The following AIG1 variants were observed in gnomAD, a reference collection of about 807,000 sequenced individuals.
AIG1 encodes the protein androgen-induced gene 1 protein.
A neutral mutation model predicts 31.4 loss-of-function variants in AIG1; 23 were observed. The ratio of observed to expected loss-of-function variants is 0.73; its 90% CI spans 0.53 to 1.04. The LOEUF is 1.04. Among genes scored for constraint, AIG1 ranks in the 50% least tolerant of loss-of-function variants. AIG1 has a pLI of 0.00. For missense variants in AIG1, 274 were observed against 295.0 expected (o/e 0.93, Z 0.52); for synonymous variants, 100 against 110.5 (o/e 0.90, Z 0.60).
intron 1 of AIG1, among the ~76,000 whole-genome samples, chr6:143,072,168 A>G (rs1049529185): frequency 1.3e-5 from 2 of 152,060 alleles, no homozygotes; most frequent in African/African-American, 2.4e-5. Context: ...TGCCATCTGT[A>G]TATCCTCTTT....
intron 4 of AIG1, among the ~76,000 whole-genome samples, chr6:143,322,598 A>G (rs935534117): frequency 2.0e-5 from 3 of 152,220 alleles, no homozygotes; most frequent in Non-Finnish European, 4.4e-5. Flanking sequence ...TCTCCAGGGT[A>G]ACATCACCAT....
chr6:143,236,618 G>C (rs557916336), intron 3 of AIG1, among the ~76,000 whole-genome samples: 1 of 152,192 alleles, frequency 6.6e-6, no homozygotes, highest in Non-Finnish European at 1.5e-5. Context: ...GCTGGCAACC[G>C]TGGGGTTCCA....
rs1483954975 is a variant in AIG1, at chr6:143,258,080, C to T, written c.400-26030C>T. ...AGCCAACCTGATGCCCAGAGTCCTC[C>T]AATTGAATCCATGGTATCAACAGTA... On this transcript the variant is annotated intron_variant, in intron 3 of 5. Transcript: ENST00000357847. This position sits in a 1 kb window ranked among gnomAD's most constrained non-coding sequence, Gnocchi z 4.7. 6.6e-6 allele frequency among the ~76,000 whole-genome samples: 1 copy of T among 152,178 alleles called. No individual in the cohort carries two copies. The highest frequency in any genetic ancestry group is 2.4e-5 in the African/African-American group (1 of 41,446).
intron 3 of AIG1, among the ~76,000 whole-genome samples, chr6:143,175,149 GCAGGGTTT>G (rs1422945148): frequency 6.6e-6 from 1 of 152,210 alleles, no homozygotes; most frequent in African/African-American, 2.4e-5. Context: ...CTTCTAGCTT[GCAGGGTTT>G]CTGCTGAGAA....
intron 4 of AIG1, among the ~76,000 whole-genome samples, chr6:143,303,209 T>G (rs1798961317): frequency 6.6e-6 from 1 of 151,584 alleles, no homozygotes; most frequent in Non-Finnish European, 1.5e-5. Context: ...TCTTTTGCTG[T>G]GCAGAAGCTC....
At chr6:143,122,468 T>C (rs925267312) in intron 1 of AIG1, among the ~76,000 whole-genome samples, 18 of 152,238 alleles carry the variant, frequency 1.2e-4, no homozygotes, top group African/African-American at 4.3e-4. Context: ...AAAATGCCAT[T>C]GTTTATATTT....
chr6:143,231,818 C>A (rs1437698683), intron 3 of AIG1, among the ~76,000 whole-genome samples: 7 of 152,154 alleles, frequency 4.6e-5, no homozygotes, highest in Non-Finnish European at 1.0e-4. Flanking sequence ...GGCTTAATAG[C>A]TACATGCATG....
rs111610748 is a variant in AIG1, at chr6:143,273,801, A to G, written c.400-10309A>G. ...TGGGGGAAACTGCCCCCATGATTCA[A>G]TTTTCTCCCACCAGGACCCTCCCAA... is the stretch of plus-strand genomic sequence containing the variant. On this transcript the variant is annotated intron_variant, in intron 3 of 5. Coordinates refer to ENST00000357847, the MANE Select transcript of AIG1 (RefSeq NM_016108.4). Among the ~76,000 whole-genome samples the G allele has an allele frequency of 2.4e-3, 368 of 152,284 alleles. 4 individuals are homozygous for G. Among genetic ancestry groups the G allele is most frequent in the South Asian group, 0.013 (64 of 4,814 alleles).
chr6:143,224,374 G>T (rs1303581167), intron 3 of AIG1, among the ~76,000 whole-genome samples: 1 of 152,148 alleles, frequency 6.6e-6, no homozygotes, highest in Admixed American at 6.5e-5. Flanking sequence ...GAGGTTCTGG[G>T]GTTTGGAACT....
At chr6:143,124,769 G>C (rs949812181) in intron 1 of AIG1, among the ~76,000 whole-genome samples, 1 of 152,148 alleles carries the variant, frequency 6.6e-6, no homozygotes, top group Non-Finnish European at 1.5e-5. Context: ...ACAGGAGTGG[G>C]TGCAAGTGGG....
chr6:143,144,278 T>C (rs1424489433), intron 2 of AIG1, among the ~76,000 whole-genome samples: 3 of 152,196 alleles, frequency 2.0e-5, no homozygotes, highest in Non-Finnish European at 4.4e-5. Flanking sequence ...CAGTGATTAT[T>C]TGTGGGACCA....
At position 143,300,000 on chromosome 6, in the gene AIG1, C is replaced by A. The variant is rs117506491; in HGVS notation, c.515+15775C>A. Among the ~76,000 whole-genome samples, 302 of 152,306 alleles carry A rather than the reference C, an allele frequency of 2.0e-3. 3 individuals are homozygous for A. In the East Asian group the frequency reaches 0.02, roughly 10 times the overall value. ...TGAAACATCCACCGTGCACCACCAC[C>A]GGGCTAGAATCTTATGGGCAAGCAC... On this transcript the variant is annotated intron_variant, in intron 4 of 5. Transcript: ENST00000357847. The surrounding 1 kb of genome is among the most constrained non-coding windows in gnomAD (Gnocchi z 4.1).
At chr6:143,161,990 G>A (rs1786427888) in intron 2 of AIG1, among the ~76,000 whole-genome samples, 1 of 152,070 alleles carries the variant, frequency 6.6e-6, no homozygotes, top group Admixed American at 6.6e-5. Flanking sequence ...AATTGTAAGG[G>A]AAAAACACTG....
At chr6:143,224,150 A>G (rs1219346860) in intron 3 of AIG1, among the ~76,000 whole-genome samples, 1 of 152,162 alleles carries the variant, frequency 6.6e-6, no homozygotes, top group Non-Finnish European at 1.5e-5. Flanking sequence ...GAAGGCACAC[A>G]AATCTGTAAC....
intron 4 of AIG1, among the ~76,000 whole-genome samples, chr6:143,303,267 T>C (rs1369077428): frequency 6.6e-6 from 1 of 151,298 alleles, no homozygotes; most frequent in Non-Finnish European, 1.5e-5. Flanking sequence ...TTGTTGCCAT[T>C]GCTTTTGGTG....
chr6:143,244,522 C>T (rs1052398458), intron 3 of AIG1, among the ~76,000 whole-genome samples: 3 of 152,188 alleles, frequency 2.0e-5, no homozygotes, highest in Admixed American at 6.5e-5. Flanking sequence ...GCTCTGATAA[C>T]GTACTAAATG....
chr6:143,281,788 A>G lies in AIG1; in HGVS notation c.400-2322A>G, dbSNP rs976528486. Reference sequence around the variant, plus strand: ...CTTTAGTGCATGAAAATTCCAAATGATAAGCTGTTATGACATAGAAAAACC... The same window carrying G: ...CTTTAGTGCATGAAAATTCCAAATGGTAAGCTGTTATGACATAGAAAAACC... On this transcript the variant is annotated intron_variant, in intron 3 of 5. Coordinates refer to ENST00000357847, the MANE Select transcript of AIG1 (RefSeq NM_016108.4). Among the ~76,000 whole-genome samples, 9 of 152,186 alleles carry G rather than the reference A, an allele frequency of 5.9e-5. 1 individual carries two copies. Among genetic ancestry groups the G allele is most frequent in the African/African-American group, 2.4e-5 (1 of 41,458 alleles).
At chr6:143,188,623 A>G in intron 3 of AIG1, 1 of 985,136 alleles carries the variant, frequency 1.0e-6, no homozygotes, top group Non-Finnish European at 1.2e-6. Flanking sequence ...TCAGATTTGT[A>G]TATAAAATCT....
chr6:143,328,769 G>A lies in AIG1; in HGVS notation c.516-4513G>A, dbSNP rs1397552382. On this transcript the variant is annotated intron_variant, in intron 4 of 5. Coordinates refer to ENST00000357847, the MANE Select transcript of AIG1 (RefSeq NM_016108.4). The surrounding 1 kb of genome is among the most constrained non-coding windows in gnomAD (Gnocchi z 4.0). Reference sequence around the variant, plus strand: ...ATTGTACATAAACGTGAATGCAAACGGAGGTACATTTAATAAAATAGACCA... The same window carrying A: ...ATTGTACATAAACGTGAATGCAAACAGAGGTACATTTAATAAAATAGACCA... Among the ~76,000 whole-genome samples, 4 of 152,018 alleles carry A rather than the reference G, an allele frequency of 2.6e-5. No individual in the cohort carries two copies. The highest frequency in any genetic ancestry group is 4.4e-5 in the Non-Finnish European group (3 of 67,998).
Sources: gnomAD v4.1 joint callset for allele counts (sites outside exome capture counted in the v4.1 genomes callset) on GRCh38, gnomAD v4.1.1 for gene constraint, Gnocchi (gnomAD v3.1) non-coding constraint, MANE v1.5 for transcripts, NCBI Gene and HGNC (gene_info 2026-07-23, HGNC 2026-07-21) for gene names.